Variants in PDZD7 observed in about 807,000 individuals in gnomAD.
PDZD7 encodes the protein PDZ domain containing 7.
PDZD7 carries 72 observed loss-of-function variants against 84.7 expected under a neutral mutation model. That is an observed-to-expected ratio of 0.85 (90% CI 0.70 to 1.03). PDZD7 has a LOEUF of 1.03. Among genes scored for constraint, PDZD7 ranks in the 50% least tolerant of loss-of-function variants. The pLI, the probability that PDZD7 is intolerant of heterozygous loss-of-function variation, is 0.00. For missense variants in PDZD7, 1,490 were observed against 1,412.9 expected (o/e 1.05, Z -0.87); for synonymous variants, 594 against 580.7 (o/e 1.02, Z -0.33).
intron 7 of PDZD7, among the ~76,000 whole-genome samples, chr10:101,019,957 G>A (rs1484916268): frequency 6.8e-6 from 1 of 147,710 alleles, no homozygotes; most frequent in Admixed American, 6.8e-5. Flanking sequence ...CTCTCACTGT[G>A]TCACCCAGGC....
intron 2 of PDZD7, among the ~76,000 whole-genome samples, chr10:101,029,609 G>A (rs1937945989): frequency 6.6e-6 from 1 of 152,210 alleles, no homozygotes; most frequent in South Asian, 2.1e-4. Context: ...GATGGAGGAT[G>A]TCCTTCTTTA....
At chr10:101,020,866 A>G (rs1174551683) in intron 6 of PDZD7, among the ~76,000 whole-genome samples, 188 bp from the exon 7 acceptor site, 1 of 152,114 alleles carries the variant, frequency 6.6e-6, no homozygotes, top group Non-Finnish European at 1.5e-5. Context: ...CTTGCTGTTC[A>G]CTCTGCCTGG....
intron 14 of PDZD7, 165 bp downstream of exon 14, chr10:101,011,525 G>C: frequency 7.0e-7 from 1 of 1,437,966 alleles, no homozygotes; most frequent in South Asian, 1.5e-5. Flanking sequence ...GTGACCAGCA[G>C]ATGTGATAAA....
intron 2 of PDZD7, among the ~76,000 whole-genome samples, chr10:101,028,640 T>C (rs1937864741): frequency 6.6e-6 from 1 of 150,576 alleles, no homozygotes; most frequent in East Asian, 1.9e-4. Flanking sequence ...AGCGCTTGCA[T>C]CATACATGGG....
At chr10:101,018,356 G>T in intron 8 of PDZD7, 60 bp from the exon 9 acceptor site, 1 of 1,582,138 alleles carries the variant, frequency 6.3e-7, no homozygotes, top group South Asian at 1.1e-5. Flanking sequence ...AAGGACGAGG[G>T]GCAGGGGTGT....
At chr10:101,026,662 A>ATC (rs1937719417) in intron 2 of PDZD7, among the ~76,000 whole-genome samples, 2 of 82,738 alleles carry the variant, frequency 2.4e-5, no homozygotes, top group Non-Finnish European at 5.1e-5. Flanking sequence ...ACAGGGAGAA[A>ATC]TCACACACAC....
Position 101,010,758 on chromosome 10 carries a change from G to A in PDZD7, c.2131C>T (p.His711Tyr). Reference protein sequence around the residue: ...SPSASAPRHPHKGIPPLQDVP... With the variant: ...SPSASAPRHPYKGIPPLQDVP... ...TCTTGTAGAGGGGGGATCCCTTTAT[G>A]GGGGTGGCGAGGGGCAGAGGCACTT... Residue 711 changes from histidine to tyrosine, a missense_variant, in exon 15 of 17, where the codon CAT becomes TAT. Physicochemically the swap from His to Tyr is moderately conservative, Grantham distance 83. Transcript: ENST00000619208. 3 of 1,534,900 alleles carry A rather than the reference G, an allele frequency of 2.0e-6. No homozygotes were observed. Among genetic ancestry groups the A allele is most frequent in the Non-Finnish European group, 2.6e-6 (3 of 1,146,466 alleles).
At chr10:101,011,865 G>C in intron 13 of PDZD7, 60 bp downstream of exon 13, 1 of 1,549,248 alleles carries the variant, frequency 6.5e-7, no homozygotes, top group South Asian at 1.2e-5. Flanking sequence ...TCCACCACGG[G>C]GTCCCATCCC....
rs538736223 is a variant in PDZD7 at position 101,024,199 on chromosome 10, G to A, written c.227-131C>T. ...CACACAGGCACGTAGGGGCCTAAAT[G>A]CAGTGGGGCAGGTCAGCCCATTTCT... On this transcript the variant is annotated intron_variant, in intron 2 of 16. Transcript: ENST00000619208. 6.1e-5 allele frequency: 75 copies of A among 1,223,514 alleles called. 2 individuals are homozygous for A. In the South Asian group the frequency reaches 7.7e-4, roughly 13 times the overall value. The allele number at this position is 1,223,514 out of a possible 1,614,324, so 75.8% of individuals were successfully genotyped here.
In PDZD7 at chr10:101,030,309, C is replaced by T. The variant is rs1361078735; in HGVS notation, c.-90G>A. 3.5e-6 allele frequency: 4 copies of T among 1,151,870 alleles called. No individual in the cohort carries two copies. The highest frequency in any genetic ancestry group is 3.0e-5 in the African/African-American group (2 of 65,840). The allele number at this position is 1,151,870 out of a possible 1,614,324, so 71.4% of individuals were successfully genotyped here. On this transcript the variant is annotated 5_prime_UTR_variant, in exon 2 of 17. Transcript: ENST00000619208. The stretch of plus-strand genomic sequence containing the variant: ...CCCTGCGTGCTTCGAGCTCCATGAG[C>T]CTCTGTGCGGGGCTGGGGTCTCAGT...
intron 8 of PDZD7, 138 bp from the exon 9 acceptor site, chr10:101,018,434 C>G: frequency 1.1e-6 from 1 of 929,152 alleles, no homozygotes; most frequent in Non-Finnish European, 1.6e-6. Context: ...GGTGAGAGTG[C>G]GGTTCCTCTT....
chr10:101,013,172 G>A (rs1357811114), intron 11 of PDZD7, among the ~76,000 whole-genome samples: 1 of 152,176 alleles, frequency 6.6e-6, no homozygotes, highest in Non-Finnish European at 1.5e-5. Context: ...CAGTTACAGC[G>A]ACTCACACAT....
chr10:101,011,950 AG>A lies in PDZD7; in HGVS notation c.1907del (p.Ala636ValfsTer15). The A allele has an allele frequency of 6.4e-7, 1 of 1,550,390 alleles. No individual in the cohort carries two copies. Among genetic ancestry groups the A allele is most frequent in the Non-Finnish European group, 8.7e-7 (1 of 1,146,962 alleles). On this transcript the variant is annotated frameshift_variant, in exon 13 of 17. Coordinates refer to ENST00000619208, the MANE Select transcript of PDZD7 (RefSeq NM_001195263.2). LOFTEE classifies it high-confidence loss of function. ...DSMVMLVELEAFEALKSRAVR... is the reference protein window; with the variant it reads ...DSMVMLVELEXFEALKSRAVR... ...CTGCCCTGCTCTTGAGGGCCTCAAA[AG>A]CCTCCAGCTCCACAAGCATCACCAT...
At chr10:101,023,315 C>A in intron 4 of PDZD7, 121 bp downstream of exon 4, 4 of 1,214,604 alleles carry the variant, frequency 3.3e-6, no homozygotes, top group Non-Finnish European at 4.8e-6. Context: ...GGATCCCCTG[C>A]GTTTCCTGAG....
chr10:101,020,810 C>A, intron 6 of PDZD7, 132 bp from the exon 7 acceptor site: 1 of 695,768 alleles, frequency 1.4e-6, no homozygotes, highest in Admixed American at 2.3e-5. Flanking sequence ...CATGCTCTGG[C>A]CGCACAGGCC....
At chr10:101,020,705 G>A (rs1434831872) in intron 6 of PDZD7, 27 bp from the exon 7 acceptor site, 11 of 1,585,182 alleles carry the variant, frequency 6.9e-6, no homozygotes, top group African/African-American at 1.3e-5. Flanking sequence ...GGGCATAGGA[G>A]GGAAGGGGGA....
chr10:101,024,185 G>T, intron 2 of PDZD7, 117 bp from the exon 3 acceptor site: 4 of 1,426,578 alleles, frequency 2.8e-6, no homozygotes, highest in South Asian at 2.3e-5. Context: ...ACACAGGCAC[G>T]TAGGGGCCTA....
In PDZD7 at chr10:101,012,036, A is replaced by G. The variant is rs1190949251; in HGVS notation, c.1842-20T>C. The G allele has an allele frequency of 2.6e-6, 4 of 1,546,220 alleles. No individual in the cohort carries two copies. In the South Asian group the frequency reaches 3.6e-5, roughly 14 times the overall value. On this transcript the variant is annotated intron_variant, in intron 12 of 16. Coordinates refer to ENST00000619208, the MANE Select transcript of PDZD7 (RefSeq NM_001195263.2). ...ACACTCCTGGGAGAGGGCGAGAGAC[A>G]GCAGGGGTGGGAGGGGCAGGCAGGA...
At chr10:101,025,578 C>T (rs113137370) in intron 2 of PDZD7, among the ~76,000 whole-genome samples, 26 of 149,040 alleles carry the variant, frequency 1.7e-4, no homozygotes, top group South Asian at 4.2e-4. Context: ...GACAGAGTCT[C>T]GCTCTGTCGC....
Sources: allele counts gnomAD v4.1 joint callset (sites outside exome capture counted in the v4.1 genomes callset), GRCh38; gene constraint gnomAD v4.1.1; transcripts MANE v1.5; gene names NCBI Gene and HGNC (gene_info 2026-07-23, HGNC 2026-07-21).